FDFT1: variants seen among roughly 807,000 people sequenced by gnomAD.
The protein encoded by FDFT1 is squalene synthase.
A neutral mutation model predicts 46.8 loss-of-function variants in FDFT1; 68 were observed. That is an observed-to-expected ratio of 1.45 (90% CI 1.19 to 1.78). The LOEUF (loss-of-function observed/expected upper bound fraction) is 1.78, where lower values mean the gene tolerates loss of function less well. FDFT1 is among the 40% of genes most tolerant of loss of function. The pLI is 0.00. For missense variants in FDFT1, 928 were observed against 524.4 expected, an observed-to-expected ratio of 1.77 and a Z score of -7.52; for synonymous variants, 351 against 185.1, an observed-to-expected ratio of 1.90 and a Z score of -7.28.
intron 7 of FDFT1, among the ~76,000 whole-genome samples, chr8:11,835,991 A>AAAAAAAAAAAAAAAAAAAC: frequency 6.8e-6 from 1 of 147,998 alleles, no homozygotes; most frequent in Admixed American, 6.7e-5. Context: ...AAAAAAAAAA[A>AAAAAAAAAAAAAAAAAAAC]AAAATACAAA....
At chr8:11,830,444 T>G in intron 6 of FDFT1, 24 bp downstream of exon 6, 2 of 1,569,968 alleles carry the variant, frequency 1.3e-6, no homozygotes, top group Non-Finnish European at 1.8e-6. Context: ...CTCCTCTGGG[T>G]GGATACGGGG....
intron 3 of FDFT1, among the ~76,000 whole-genome samples, chr8:11,814,013 A>G (rs1219793236): frequency 6.6e-6 from 1 of 152,210 alleles, no homozygotes; most frequent in Non-Finnish European, 1.5e-5. Context: ...AATAATAAAA[A>G]GTCGTTGGAA....
Position 11,802,812 on chromosome 8 carries a change from G to T in FDFT1, c.-21G>T. 6.3e-7 allele frequency: 1 copy of T among 1,591,606 alleles called. No homozygotes were observed. The highest frequency in any genetic ancestry group is 8.6e-7 in the Non-Finnish European group (1 of 1,166,112). The stretch of plus-strand genomic sequence containing the variant: ...CCGCAGAGGTGAGAGTCGCGCCCGG[G>T]AGTCCGCCGCCTGCGCCAGGATGGA... On this transcript the variant is annotated 5_prime_UTR_variant, in exon 1 of 8. Coordinates refer to ENST00000220584, the MANE Select transcript of FDFT1 (RefSeq NM_004462.5).
rs756709654 is a variant in FDFT1 at position 11,809,671 on chromosome 8, G to T, written c.202G>T (p.Ala68Ser). 5 of 1,607,062 alleles carry T rather than the reference G, an allele frequency of 3.1e-6. No individual in the cohort carries two copies. The highest frequency in any genetic ancestry group is 4.2e-6 in the Non-Finnish European group (5 of 1,176,986). The stretch of plus-strand genomic sequence containing the variant: ...ATAGTTTTCCCTTTTTTACAGCAAC[G>T]CAGTGTGCATATTTTATCTGGTTCT... Reference protein sequence around the residue: ...IQALDGEMRNAVCIFYLVLRA... With the variant: ...IQALDGEMRNSVCIFYLVLRA... The change falls in exon 3 of 8, where the codon GCA becomes TCA. Residue 68 changes from alanine to serine, a missense_variant. By Grantham distance (99) the Ala-to-Ser change is moderately conservative. Coordinates refer to ENST00000220584, the MANE Select transcript of FDFT1 (RefSeq NM_004462.5).
upstream of FDFT1, among the ~76,000 whole-genome samples, chr8:11,797,653 A>AAG (rs1171024133): frequency 6.6e-6 from 1 of 151,514 alleles, no homozygotes; most frequent in Admixed American, 6.6e-5. Context: ...AAAAAAAAAA[A>AAG]AAAAAAAGAA....
At chr8:11,838,130 T>C (rs1811791955) in intron 7 of FDFT1, among the ~76,000 whole-genome samples, 1 of 152,198 alleles carries the variant, frequency 6.6e-6, no homozygotes, top group Non-Finnish European at 1.5e-5. Flanking sequence ...CAGCCGCTGC[T>C]CTCGAGGGCC....
intron 4 of FDFT1, among the ~76,000 whole-genome samples, chr8:11,824,728 T>G (rs1000234493): frequency 1.3e-5 from 2 of 152,132 alleles, no homozygotes; most frequent in African/African-American, 4.8e-5. Flanking sequence ...ATGTGCAGAG[T>G]TCTTTTTTTC....
At chr8:11,833,930 T>G (rs1202875616) in intron 7 of FDFT1, among the ~76,000 whole-genome samples, 1 of 152,260 alleles carries the variant, frequency 6.6e-6, no homozygotes, top group Non-Finnish European at 1.5e-5. Flanking sequence ...TTCTAAGTCT[T>G]AAGCAGTAGA....
chr8:11,836,506 G>C (rs1187253200), intron 7 of FDFT1, among the ~76,000 whole-genome samples: 5 of 152,316 alleles, frequency 3.3e-5, no homozygotes, highest in Admixed American at 2.6e-4. Context: ...CTTTCATAAG[G>C]CTCCTTGAAG....
At chr8:11,799,780 A>T (rs1185215378), upstream of FDFT1, among the ~76,000 whole-genome samples, 2 of 150,682 alleles carry the variant, frequency 1.3e-5, no homozygotes, top group African/African-American at 2.4e-5. Flanking sequence ...ACCCTGTCTC[A>T]ACTAAAAATA....
rs759956045 is a variant in FDFT1, at chr8:11,809,764, A to C, written c.295A>C (p.Asn99His). The C allele has an allele frequency of 1.9e-6, 3 of 1,614,174 alleles. No homozygotes were observed. Among genetic ancestry groups the C allele is most frequent in the Non-Finnish European group, 2.5e-6 (3 of 1,180,022 alleles). ...SVEKKVPLLH[N>H]FHSFLYQPDW... ...GGAAAAGAAGGTCCCGCTGTTACAC[A>C]ACTTTCACTCTTTCCTTTACCAACC... Residue 99 changes from asparagine to histidine, a missense_variant, in exon 3 of 8, where the codon AAC (asparagine) becomes CAC (histidine). Coordinates refer to ENST00000220584, the MANE Select transcript of FDFT1 (RefSeq NM_004462.5).
chr8:11,808,664 C>T (rs375613987), intron 1 of FDFT1, 130 bp from the exon 2 acceptor site: 7 of 1,461,434 alleles, frequency 4.8e-6, no homozygotes, highest in Middle Eastern at 1.8e-4. Flanking sequence ...CCTGCAAGGA[C>T]TGGCCTCGGG....
chr8:11,803,751 G>GC (rs1479483992), intron 1 of FDFT1: 1 of 191,776 alleles, frequency 5.2e-6, no homozygotes, highest in African/African-American at 2.4e-5. Context: ...CTTGATAGGT[G>GC]CCTGAACATC....
At chr8:11,808,053 G>C (rs1279176013) in intron 1 of FDFT1, 1 of 159,578 alleles carries the variant, frequency 6.3e-6, no homozygotes, top group Non-Finnish European at 1.3e-5. Flanking sequence ...TCACCTGAGG[G>C]ATGGAGGGGG....
chr8:11,808,235 T>C (rs1053033916), intron 1 of FDFT1: 4 of 1,190,256 alleles, frequency 3.4e-6, no homozygotes, highest in Non-Finnish European at 3.1e-6. Context: ...GAGTAGAGTT[T>C]GGTCTAGGGA....
intron 4 of FDFT1, 124 bp from the exon 5 acceptor site, chr8:11,825,900 T>G: frequency 1.9e-6 from 1 of 531,666 alleles, no homozygotes; most frequent in Non-Finnish European, 3.2e-6. Context: ...ATTTGTATTT[T>G]AAAATCAAAA....
At chr8:11,834,658 T>G (rs1357376753) in intron 7 of FDFT1, among the ~76,000 whole-genome samples, 2 of 152,220 alleles carry the variant, frequency 1.3e-5, no homozygotes, top group Admixed American at 1.3e-4. Context: ...AGTTTAGATG[T>G]TCATAGACAA....
rs145924111 is a variant in FDFT1, at chr8:11,813,766, A to G, written c.381+3916A>G. On this transcript the variant is annotated intron_variant, in intron 3 of 7. Coordinates refer to ENST00000220584, the MANE Select transcript of FDFT1 (RefSeq NM_004462.5). The stretch of plus-strand genomic sequence containing the variant: ...CCATCAGAAAGTGATCTGAGAACAT[A>G]GAAATCTACTGTGTTGTGAAACAGA... Among the ~76,000 whole-genome samples, 28 of 152,320 alleles carry G rather than the reference A, an allele frequency of 1.8e-4. No individual in the cohort carries two copies. The East Asian group carries it at 3.5e-3, about 19-fold the overall frequency.
chr8:11,819,849 A>G lies in FDFT1; in HGVS notation c.382-1901A>G, dbSNP rs537752784. Among the ~76,000 whole-genome samples the G allele has an allele frequency of 2.4e-4, 36 of 152,234 alleles. No homozygotes were observed. In the Middle Eastern group the frequency reaches 0.014, roughly 58 times the overall value. ...CAACCTTCTGAAGCCTACTTCTGTCAACTCGTTAAACTCATTGTCCATCCA... is the reference window on the plus strand; with the variant it reads ...CAACCTTCTGAAGCCTACTTCTGTCGACTCGTTAAACTCATTGTCCATCCA... On this transcript the variant is annotated intron_variant, in intron 3 of 7. Transcript: ENST00000220584.
Sources: gnomAD v4.1 joint callset for allele counts (sites outside exome capture counted in the v4.1 genomes callset) on GRCh38, gnomAD v4.1.1 for gene constraint, MANE v1.5 for transcripts, NCBI Gene and HGNC (gene_info 2026-07-23, HGNC 2026-07-21) for gene names.